The following CADPS2 variants were observed in gnomAD, a reference collection of about 807,000 sequenced individuals.
CADPS2 encodes calcium-dependent secretion activator 2.
Under a neutral mutation model 172.5 loss-of-function variants are expected in CADPS2, and 93 were observed. That is an observed-to-expected ratio of 0.54 (90% CI 0.46 to 0.64). The LOEUF is 0.64. Ranked by LOEUF, CADPS2 falls within the 30% of genes least tolerant of loss-of-function variation. The pLI is 0.00. For synonymous variants in CADPS2, 546 were observed against 555.2 expected, an observed-to-expected ratio of 0.98 and a Z score of 0.23; for missense variants, 1,420 against 1,565.9, an observed-to-expected ratio of 0.91 and a Z score of 1.57.
intron 14 of CADPS2, among the ~76,000 whole-genome samples, chr7:122,455,565 A>C (rs2053659100): frequency 6.6e-6 from 1 of 152,108 alleles, no homozygotes; most frequent in Non-Finnish European, 1.5e-5. Flanking sequence ...TATTTAATGC[A>C]TATATGCTGA....
intron 8 of CADPS2, among the ~76,000 whole-genome samples, chr7:122,534,849 A>T (rs761226558): frequency 3.3e-5 from 5 of 152,126 alleles, no homozygotes; most frequent in Non-Finnish European, 7.4e-5. Context: ...CTAAGAAAAG[A>T]AGCAAATACA....
intron 2 of CADPS2, chr7:122,681,494 T>A: frequency 6.8e-7 from 1 of 1,479,226 alleles, no homozygotes; most frequent in Non-Finnish European, 9.3e-7. Flanking sequence ...GCGTCTTCGA[T>A]GCCTATGTGC....
At chr7:122,585,416 G>T (rs1412679545) in intron 6 of CADPS2, 1 of 112,262 alleles carries the variant, frequency 8.9e-6, no homozygotes, top group Non-Finnish European at 1.8e-5. Context: ...ATTCTAGAAT[G>T]AATAAATTAA....
At chr7:122,541,273 T>G (rs1057294437) in intron 8 of CADPS2, among the ~76,000 whole-genome samples, 37 of 149,344 alleles carry the variant, frequency 2.5e-4, no homozygotes, top group Middle Eastern at 3.5e-3. Flanking sequence ...CTCGGCTCAC[T>G]GCAACCTCCA....
At position 122,425,690 on chromosome 7, in the gene CADPS2, T is replaced by C. The variant is rs375554189; in HGVS notation, c.2477-9526A>G. On this transcript the variant is annotated intron_variant, in intron 17 of 29. Coordinates refer to ENST00000449022, the MANE Select transcript of CADPS2 (RefSeq NM_017954.11). The stretch of plus-strand genomic sequence containing the variant: ...ACATTCAGTAGCTGAAACTGATGAA[T>C]AGTCCCCTCCCTGGTGTGTTGTTCT... Among the ~76,000 whole-genome samples, 16 of 152,316 alleles carry C rather than the reference T, an allele frequency of 1.1e-4. No individual in the cohort carries two copies. In the South Asian group the frequency reaches 3.3e-3, roughly 32 times the overall value.
chr7:122,759,802 T>C (rs2093313357), intron 1 of CADPS2, among the ~76,000 whole-genome samples: 1 of 152,148 alleles, frequency 6.6e-6, no homozygotes, highest in Non-Finnish European at 1.5e-5. Flanking sequence ...AACATTACTT[T>C]GCCTAATTTT....
intron 2 of CADPS2, among the ~76,000 whole-genome samples, chr7:122,695,159 T>A (rs2084908416): frequency 6.6e-6 from 1 of 152,192 alleles, no homozygotes; most frequent in South Asian, 2.1e-4. Flanking sequence ...TAACAAGAGG[T>A]ACTGTATAGA....
chr7:122,384,444 T>C (rs936240963), intron 24 of CADPS2, among the ~76,000 whole-genome samples: 6 of 152,006 alleles, frequency 3.9e-5, no homozygotes, highest in African/African-American at 1.2e-4. Flanking sequence ...TTCAACAACT[T>C]TGTTGCTTTT....
At chr7:122,527,617 A>AGAGAGAGTGTGTGTGT in intron 8 of CADPS2, among the ~76,000 whole-genome samples, 32 of 83,876 alleles carry the variant, frequency 3.8e-4, no homozygotes, top group Non-Finnish European at 6.8e-4. Context: ...AGAGAGAGAG[A>AGAGAGAGTGTGTGTGT]GTGTGTGTGT....
chr7:122,343,046 C>A (rs574892222), intron 28 of CADPS2, among the ~76,000 whole-genome samples: 2 of 152,152 alleles, frequency 1.3e-5, no homozygotes, highest in Admixed American at 6.5e-5. Flanking sequence ...CCTTTCAACA[C>A]GTACTTGATA....
At chr7:122,660,045 G>C (rs1588201255) in intron 3 of CADPS2, among the ~76,000 whole-genome samples, 3 of 152,202 alleles carry the variant, frequency 2.0e-5, no homozygotes, top group East Asian at 3.9e-4. Context: ...TAAGAAATTT[G>C]AATCTACATA....
At chr7:122,392,273 T>C (rs187330233) in intron 22 of CADPS2, among the ~76,000 whole-genome samples, 10 of 152,192 alleles carry the variant, frequency 6.6e-5, no homozygotes, top group African/African-American at 1.9e-4. Context: ...TGCCTGATGA[T>C]AGTAATAATA....
chr7:122,812,935 T>C (rs1800391883), intron 1 of CADPS2, among the ~76,000 whole-genome samples: 1 of 152,162 alleles, frequency 6.6e-6, no homozygotes, highest in South Asian at 2.1e-4. Flanking sequence ...TCGGATGTTT[T>C]TAGTTCATTC....
At chr7:122,327,854 A>G (rs1035153079) in intron 28 of CADPS2, among the ~76,000 whole-genome samples, 4 of 152,108 alleles carry the variant, frequency 2.6e-5, no homozygotes, top group African/African-American at 9.7e-5. Context: ...AAAATGTTTA[A>G]GCTATTTATC....
At chr7:122,685,765 T>G (rs2083542300) in intron 2 of CADPS2, among the ~76,000 whole-genome samples, 1 of 152,216 alleles carries the variant, frequency 6.6e-6, no homozygotes, top group South Asian at 2.1e-4. Context: ...CCACTGTATC[T>G]CCAGGGCAAT....
At chr7:122,456,410 A>AT (rs1199038509) in intron 14 of CADPS2, among the ~76,000 whole-genome samples, 1 of 152,106 alleles carries the variant, frequency 6.6e-6, no homozygotes, top group South Asian at 2.1e-4. Flanking sequence ...TAATATTCTC[A>AT]TTTTTTTCTG....
At chr7:122,624,356 A>T (rs887767845) in intron 4 of CADPS2, among the ~76,000 whole-genome samples, 4 of 152,202 alleles carry the variant, frequency 2.6e-5, no homozygotes, top group African/African-American at 9.6e-5. Flanking sequence ...ACACAAAAAC[A>T]ATATTTGCTT....
At chr7:122,329,086 G>C (rs1338663035) in intron 28 of CADPS2, among the ~76,000 whole-genome samples, 1 of 152,202 alleles carries the variant, frequency 6.6e-6, no homozygotes, top group Non-Finnish European at 1.5e-5. Context: ...AGCTCCCTCA[G>C]TGCCAGGAGT....
intron 3 of CADPS2, among the ~76,000 whole-genome samples, chr7:122,634,932 T>C (rs538697451): frequency 1.4e-4 from 21 of 152,250 alleles, no homozygotes; most frequent in Non-Finnish European, 2.1e-4. Context: ...CAGGAGAAAA[T>C]TGTTTAATTT....
Sources: gnomAD v4.1 joint callset for allele counts (sites outside exome capture counted in the v4.1 genomes callset) on GRCh38, gnomAD v4.1.1 for gene constraint, MANE v1.5 for transcripts, NCBI Gene and HGNC (gene_info 2026-07-23, HGNC 2026-07-21) for gene names.